The following PALMD variants were observed in gnomAD, a reference collection of about 807,000 sequenced individuals.
The protein encoded by PALMD is palmdelphin, also known as paralemmin-like protein.
Under a neutral mutation model 56.2 loss-of-function variants are expected in PALMD, and 42 were observed. The ratio of observed to expected loss-of-function variants is 0.75; its 90% CI spans 0.58 to 0.97. PALMD has a LOEUF of 0.97. Ranked by LOEUF, PALMD falls within the 50% of genes least tolerant of loss-of-function variation. PALMD has a pLI of 0.00. For missense variants in PALMD, 660 were observed against 643.8 expected, an observed-to-expected ratio of 1.03 and a Z score of -0.27; for synonymous variants, 242 against 222.9, an observed-to-expected ratio of 1.09 and a Z score of -0.76.
Position 99,688,910 on chromosome 1 carries a change from T to C in PALMD, c.650T>C (p.Val217Ala), listed in dbSNP as rs549403537. Residue 217 changes from valine to alanine, a missense_variant, in exon 7 of 8, where the codon GTG (valine) becomes GCG (alanine). Physicochemically the swap from Val to Ala is moderately conservative, Grantham distance 64. Transcript: ENST00000263174. ...IKVYDDGQKS[V>A]YAVSSNHSAA... ...GTTTATGATGATGGGCAAAAGTCAG[T>C]GTATGCAGTAAGTTCTAATCACAGT... 5.2e-5 allele frequency: 84 copies of C among 1,613,780 alleles called. No individual in the cohort carries two copies. The South Asian group carries it at 8.9e-4, about 17-fold the overall frequency.
chr1:99,679,513 A>G (rs1459837180), intron 3 of PALMD, among the ~76,000 whole-genome samples: 2 of 152,226 alleles, frequency 1.3e-5, no homozygotes, highest in African/African-American at 4.8e-5. Flanking sequence ...CCCACTGAGC[A>G]GAAAAATCCC....
chr1:99,682,847 A>T (rs1335234443), intron 3 of PALMD, among the ~76,000 whole-genome samples: 1 of 151,678 alleles, frequency 6.6e-6, no homozygotes, highest in East Asian at 1.9e-4. Flanking sequence ...CTCTACTAAA[A>T]ATACAAAAAT....
intron 3 of PALMD, among the ~76,000 whole-genome samples, chr1:99,671,314 C>T (rs1282600919): frequency 1.3e-5 from 2 of 152,176 alleles, no homozygotes; most frequent in East Asian, 1.9e-4. Context: ...ACTGAAATAG[C>T]GTTGCCTCTG....
chr1:99,647,216 A>C (rs1652461210), intron 1 of PALMD, among the ~76,000 whole-genome samples: 1 of 152,244 alleles, frequency 6.6e-6, no homozygotes, highest in African/African-American at 2.4e-5. Context: ...TTTTAAGAAG[A>C]AAAAGATCTT....
Position 99,689,405 on chromosome 1 carries a change from A to G in PALMD, c.1145A>G (p.Gln382Arg), listed in dbSNP as rs1213121770. The G allele has an allele frequency of 6.2e-7, 1 of 1,613,862 alleles. No homozygotes were observed. Among genetic ancestry groups the G allele is most frequent in the East Asian group, 2.2e-5 (1 of 44,860 alleles). The change falls in exon 7 of 8, where the codon CAG becomes CGG. Residue 382 changes from glutamine to arginine, a missense_variant. Gln to Arg is a conservative substitution (Grantham distance 43). Coordinates refer to ENST00000263174, the MANE Select transcript of PALMD (RefSeq NM_017734.5). Reference sequence around the variant, plus strand: ...ACAATATTTGGGAAATCTGAACACCAGAATTCTTCACCCACTTGTCAGGAG... The same window carrying G: ...ACAATATTTGGGAAATCTGAACACCGGAATTCTTCACCCACTTGTCAGGAG... ...RETIFGKSEHQNSSPTCQEDE... is the reference protein window; with the variant it reads ...RETIFGKSEHRNSSPTCQEDE...
At chr1:99,690,141 T>C (rs1456268161) in intron 7 of PALMD, 1 of 452,508 alleles carries the variant, frequency 2.2e-6, no homozygotes, top group Admixed American at 3.9e-5. Flanking sequence ...TATCATGGTA[T>C]GGTGCTGCTT....
At chr1:99,676,112 A>G (rs1330076358) in intron 3 of PALMD, among the ~76,000 whole-genome samples, 1 of 152,218 alleles carries the variant, frequency 6.6e-6, no homozygotes, top group Admixed American at 6.5e-5. Flanking sequence ...CCTATTCTTA[A>G]ATGCTCAGGA....
At chr1:99,674,072 T>A (rs530598789) in intron 3 of PALMD, among the ~76,000 whole-genome samples, 10 of 152,302 alleles carry the variant, frequency 6.6e-5, no homozygotes, top group African/African-American at 2.2e-4. Context: ...GTGCCCTGGT[T>A]TTTTAAACAA....
rs775605217 is a variant in PALMD, at chr1:99,683,054, AAGAGAGAG to A, written c.252-3592_252-3585del. Among the ~76,000 whole-genome samples the A allele has an allele frequency of 1.1e-3, 29 of 26,308 alleles. 1 individual carries two copies. Among genetic ancestry groups the A allele is most frequent in the Admixed American group, 1.9e-3 (4 of 2,154 alleles). 17.3% of individuals were successfully genotyped at this position (26,308 alleles called of 152,430 possible). On this transcript the variant is annotated intron_variant, in intron 3 of 7. Coordinates refer to ENST00000263174, the MANE Select transcript of PALMD (RefSeq NM_017734.5). ...AAAGAAAGAAAGAAAGAAAGAAAGA[AAGAGAGAG>A]AGAGAGAGAGAGAGAGAGAGAGAGA...
chr1:99,688,973 A>G lies in PALMD; in HGVS notation c.713A>G (p.Glu238Gly), dbSNP rs1653591370. The G allele has an allele frequency of 6.2e-7, 1 of 1,613,598 alleles. No individual in the cohort carries two copies. Among genetic ancestry groups the G allele is most frequent in the Non-Finnish European group, 8.5e-7 (1 of 1,179,736 alleles). The change falls in exon 7 of 8, where the codon GAA (glutamate) becomes GGA (glycine). Residue 238 changes from glutamate (E) to glycine (G), a missense_variant. Coordinates refer to ENST00000263174, the MANE Select transcript of PALMD (RefSeq NM_017734.5). ...YNGTDGLAPVEVEELLRQASE... is the reference protein window; with the variant it reads ...YNGTDGLAPVGVEELLRQASE... ...GGCACCGATGGCCTGGCACCAGTTG[A>G]AGTAGAGGAACTTCTAAGACAAGCC...
rs1653516590 is a variant in PALMD at position 99,686,975 on chromosome 1, A to C, written c.400+12A>C. 6.4e-7 allele frequency: 1 copy of C among 1,570,954 alleles called. No individual in the cohort carries two copies. The highest frequency in any genetic ancestry group is 1.7e-5 in the Admixed American group (1 of 58,274). Reference sequence around the variant, plus strand: ...AGAAAGAGCAGAAGGTATGTTTTTGAATAACTTATTTTATGTTAAACTAAG... The same window carrying C: ...AGAAAGAGCAGAAGGTATGTTTTTGCATAACTTATTTTATGTTAAACTAAG... On this transcript the variant is annotated intron_variant, in intron 5 of 7. Transcript: ENST00000263174.
intron 1 of PALMD, among the ~76,000 whole-genome samples, chr1:99,659,944 C>T (rs900716439): frequency 6.6e-6 from 1 of 152,186 alleles, no homozygotes; most frequent in Admixed American, 6.5e-5. Context: ...TGCCTCTACT[C>T]ACAGATTCAA....
intron 3 of PALMD, among the ~76,000 whole-genome samples, chr1:99,672,370 G>A (rs375539763): frequency 1.3e-5 from 2 of 152,134 alleles, no homozygotes; most frequent in Admixed American, 6.6e-5. Context: ...CCTCCCAAAA[G>A]AGCCCTGCGC....
At chr1:99,659,251 A>G (rs1322032307) in intron 1 of PALMD, among the ~76,000 whole-genome samples, 1 of 152,246 alleles carries the variant, frequency 6.6e-6, no homozygotes, top group Non-Finnish European at 1.5e-5. Flanking sequence ...CACAATAACT[A>G]TAGTTGTACA....
Position 99,646,220 on chromosome 1 carries a change from C to A in PALMD, c.-98C>A, listed in dbSNP as rs1039302822. 1 of 926,090 alleles carries A rather than the reference C, an allele frequency of 1.1e-6. No individual in the cohort carries two copies. Among genetic ancestry groups the A allele is most frequent in the Non-Finnish European group, 1.8e-6 (1 of 561,264 alleles). 57.4% of individuals were successfully genotyped at this position (926,090 alleles called of 1,614,324 possible). ...GGTGCAAAGAGCGGATTTCTCCCTG[C>A]TTCTCTTCTGTCACCCCCGCTCCTC... On this transcript the variant is annotated 5_prime_UTR_variant, in exon 1 of 8. Transcript: ENST00000263174.
chr1:99,648,016 C>CAAGAGAGTA (rs1387063752), intron 1 of PALMD, among the ~76,000 whole-genome samples: 1 of 152,150 alleles, frequency 6.6e-6, no homozygotes, highest in Non-Finnish European at 1.5e-5. Flanking sequence ...TAAAAGCCAT[C>CAAGAGAGTA]AAGAGAGTAA....
intron 3 of PALMD, among the ~76,000 whole-genome samples, chr1:99,674,188 T>C (rs1653153237): frequency 6.6e-6 from 1 of 152,164 alleles, no homozygotes; most frequent in African/African-American, 2.4e-5. Flanking sequence ...CTTTCAGCAT[T>C]CATTCTTGCT....
At chr1:99,647,948 A>T (rs909672074) in intron 1 of PALMD, among the ~76,000 whole-genome samples, 1 of 152,184 alleles carries the variant, frequency 6.6e-6, no homozygotes, top group African/African-American at 2.4e-5. Context: ...TAAGGCTAGG[A>T]ATCTTAGTCA....
chr1:99,683,618 T>G (rs1004774901), intron 3 of PALMD: 1 of 152,212 alleles, frequency 6.6e-6, no homozygotes, highest in Non-Finnish European at 1.5e-5. Flanking sequence ...CAACCTGGAT[T>G]ACACCATCTT....
Sources: allele counts gnomAD v4.1 joint callset (sites outside exome capture counted in the v4.1 genomes callset), GRCh38; gene constraint gnomAD v4.1.1; transcripts MANE v1.5; gene names NCBI Gene and HGNC (gene_info 2026-07-23, HGNC 2026-07-21).